The following PKD1 variants were observed in gnomAD, a reference collection of about 807,000 sequenced individuals.
PKD1 encodes the protein polycystin 1, transient receptor potential channel interacting.
In PKD1, 81 loss-of-function variants were observed where a neutral mutation model predicts 361.7. That is an observed-to-expected ratio of 0.22 (90% CI 0.19 to 0.27). PKD1 has a LOEUF of 0.27. PKD1 is among the 10% of genes least tolerant of loss of function. The pLI is 1.00. For missense variants in PKD1, 6,399 were observed against 6,118.3 expected, an observed-to-expected ratio of 1.05 and a Z score of -1.53; for synonymous variants, 3,615 against 2,818.3, an observed-to-expected ratio of 1.28 and a Z score of -8.95.
At chr16:2,133,494 C>T (rs1309285679) in intron 1 of PKD1, among the ~76,000 whole-genome samples, 1 of 147,242 alleles carries the variant, frequency 6.8e-6, no homozygotes, top group Non-Finnish European at 1.5e-5. Flanking sequence ...TGTCCTTCAC[C>T]TCTCCCAGCT....
Position 2,105,346 on chromosome 16 carries a change from G to C in PKD1, c.7992C>G (p.Ile2664Met), listed in dbSNP as rs537012440. ...RVHTVDDIQQ[I>M]AAALAQCMGP... ...CCATGCACTGGGCCAGCGCAGCAGC[G>C]ATCTGCTGGATGTCATCCACAGTGT... The change falls in exon 21 of 46, where the codon ATC becomes ATG. Residue 2664 changes from isoleucine to methionine, a missense_variant. Transcript: ENST00000262304. The C allele has an allele frequency of 1.8e-5, 29 of 1,592,608 alleles. No individual in the cohort carries two copies. Among genetic ancestry groups the C allele is most frequent in the Admixed American group, 6.7e-5 (4 of 59,930 alleles).
chr16:2,097,269 C>T (rs779291633), intron 33 of PKD1, 28 bp from the exon 34 acceptor site: 17 of 1,604,216 alleles, frequency 1.1e-5, no homozygotes, highest in South Asian at 3.3e-5. Flanking sequence ...ATAGGGTGGG[C>T]CCAGCTGCAA....
In PKD1 at chr16:2,109,802, A is replaced by G; in HGVS notation, c.5365T>C (p.Ser1789Pro). 6.2e-7 allele frequency: 1 copy of G among 1,610,402 alleles called. No homozygotes were observed. The highest frequency in any genetic ancestry group is 8.5e-7 in the Non-Finnish European group (1 of 1,179,702). The change falls in exon 15 of 46, where the codon TCA (serine) becomes CCA (proline). Residue 1789 changes from serine to proline, a missense_variant. Transcript: ENST00000262304. Reference sequence around the variant, plus strand: ...TCCACTTCCACGGTGGCGTTGGCTGAGCCCAGCGGGTTCCCTGCCGTCATG... The same window carrying G: ...TCCACTTCCACGGTGGCGTTGGCTGGGCCCAGCGGGTTCCCTGCCGTCATG... ...VTMTAGNPLG[S>P]ANATVEVDVQ...
chr16:2,108,748 G>A lies in PKD1; in HGVS notation c.6419C>T (p.Thr2140Ile), dbSNP rs2092425215. The A allele has an allele frequency of 6.4e-7, 1 of 1,571,276 alleles. No individual in the cohort carries two copies. Among genetic ancestry groups the A allele is most frequent in the Non-Finnish European group, 8.6e-7 (1 of 1,159,518 alleles). ...VSFFVAQATVTVQVLACREPE... is the reference protein window; with the variant it reads ...VSFFVAQATVIVQVLACREPE... The stretch of plus-strand genomic sequence containing the variant: ...CTCCCGGCAGGCCAGCACCTGGACG[G>A]TCACCGTGGCCTGCGCCACGAAGAA... The change falls in exon 15 of 46, where the codon ACC (threonine) becomes ATC (isoleucine). Residue 2140 changes from threonine (T) to isoleucine (I), a missense_variant. Thr to Ile is a moderately conservative substitution (Grantham distance 89). Coordinates refer to ENST00000262304, the MANE Select transcript of PKD1 (RefSeq NM_001009944.3).
chr16:2,101,785 A>T (rs1349527073), intron 26 of PKD1, among the ~76,000 whole-genome samples: 4 of 152,256 alleles, frequency 2.6e-5, no homozygotes, highest in South Asian at 4.1e-4. Flanking sequence ...CCACAGTGGT[A>T]GCGATGCTCA....
At chr16:2,122,445 G>A (rs552863472) in intron 1 of PKD1, among the ~76,000 whole-genome samples, 9 of 152,076 alleles carry the variant, frequency 5.9e-5, no homozygotes, top group African/African-American at 1.9e-4. Context: ...CTTCTCTGCC[G>A]TCCCCTCCTC....
chr16:2,114,794 G>C lies in PKD1; in HGVS notation c.2229C>G (p.Leu743=), dbSNP rs1442764354. Residue 743 remains leucine, a synonymous_variant, in exon 11 of 46, where the codon CTC becomes CTG. Coordinates refer to ENST00000262304, the MANE Select transcript of PKD1 (RefSeq NM_001009944.3). ...GCAGCCATGACGAGGCGTTGGCGGA[G>C]AGGTACGGGGCCCGGGGACCAGGGT... The part of the protein sequence containing the change: ...PGHPGPRAPY[L]SANASSWLPH... The C allele has an allele frequency of 1.8e-6, 2 of 1,086,930 alleles. No individual in the cohort carries two copies. The highest frequency in any genetic ancestry group is 2.0e-5 in the Admixed American group (1 of 49,876). 67.3% of individuals were successfully genotyped at this position (1,086,930 alleles called of 1,614,324 possible). A position where few individuals can be genotyped will look rare whatever the true frequency, so the allele number is the denominator to read the frequency against.
At chr16:2,095,773 G>A (rs1480135724) in intron 34 of PKD1, among the ~76,000 whole-genome samples, 5 of 152,214 alleles carry the variant, frequency 3.3e-5, no homozygotes, top group East Asian at 3.8e-4. Context: ...TGAGGGCCAC[G>A]CGCTCTGTGT....
In PKD1 at chr16:2,110,438, C is replaced by T. The variant is rs770989260; in HGVS notation, c.4729G>A (p.Asp1577Asn). The T allele has an allele frequency of 1.9e-6, 3 of 1,612,574 alleles. No individual in the cohort carries two copies. Among genetic ancestry groups the T allele is most frequent in the Non-Finnish European group, 2.5e-6 (3 of 1,179,842 alleles). The part of the protein sequence containing the change: ...SFSTSLEAGS[D>N]VRYSWVLCDR... ...CAGAGCACCCAGGAATAGCGCACAT[C>T]ACTGCCGGCCTCCAGCGACGTGCTG... Residue 1577 changes from aspartate to asparagine, a missense_variant, in exon 15 of 46, where the codon GAT becomes AAT. Asp to Asn is a conservative substitution (Grantham distance 23). Coordinates refer to ENST00000262304, the MANE Select transcript of PKD1 (RefSeq NM_001009944.3).
intron 1 of PKD1, among the ~76,000 whole-genome samples, chr16:2,133,540 C>T (rs978818524): frequency 7.3e-5 from 11 of 151,024 alleles, no homozygotes. Flanking sequence ...CAGCCGTCTC[C>T]CCGAGGAGGA....
chr16:2,123,357 G>A, intron 1 of PKD1: 2 of 391,702 alleles, frequency 5.1e-6, no homozygotes, highest in Non-Finnish European at 1.0e-5. Context: ...CGTCTGCCCT[G>A]GGTAGGACTC....
chr16:2,118,425 T>C lies in PKD1; in HGVS notation c.567A>G (p.Ser189=), dbSNP rs2092674287. ...AAAAGGACACTGCTGCCACGGTGCCTGAGCTGTTGTCAGGGAGGCAGGCGA... is the reference window on the plus strand; with the variant it reads ...AAAAGGACACTGCTGCCACGGTGCCCGAGCTGTTGTCAGGGAGGCAGGCGA... ...EYVACLPDNS[S]GTVAAVSFSA... Residue 189 remains serine (S), a synonymous_variant, in exon 5 of 46, where the codon TCA becomes TCG. Transcript: ENST00000262304. The surrounding 1 kb of genome is among the most constrained non-coding windows in gnomAD (Gnocchi z 6.0). The C allele has an allele frequency of 1.6e-6, 2 of 1,233,260 alleles. No homozygotes were observed. The highest frequency in any genetic ancestry group is 1.5e-5 in the African/African-American group (1 of 67,042). The allele number at this position is 1,233,260 out of a possible 1,614,324, so 76.4% of individuals were successfully genotyped here.
In PKD1 at chr16:2,109,817, C is replaced by T. The variant is rs765728147; in HGVS notation, c.5350G>A (p.Gly1784Arg). ...PGLHLVTMTA[G>R]NPLGSANATV... ...GCGTTGGCTGAGCCCAGCGGGTTCC[C>T]TGCCGTCATGGTGACCAAGTGCAGG... The change falls in exon 15 of 46, where the codon GGG becomes AGG. Residue 1784 changes from glycine (G) to arginine (R), a missense_variant. Physicochemically the swap from Gly to Arg is moderately radical, Grantham distance 125. Transcript: ENST00000262304. 1.9e-6 allele frequency: 3 copies of T among 1,610,638 alleles called. No individual in the cohort carries two copies. The highest frequency in any genetic ancestry group is 2.7e-5 in the African/African-American group (2 of 74,988).
In PKD1 at chr16:2,097,071, C is replaced by T. The variant is rs564219323; in HGVS notation, c.10499+77G>A. ...GCACCCCACCCCACCCTACCCCAGG[C>T]GGGAACCACGGCTGCCTGGCCTGAG... On this transcript the variant is annotated intron_variant, in intron 34 of 45. Coordinates refer to ENST00000262304, the MANE Select transcript of PKD1 (RefSeq NM_001009944.3). 1,994 of 910,748 alleles carry T rather than the reference C, an allele frequency of 2.2e-3. 10 individuals are homozygous for T. The highest frequency in any genetic ancestry group is 3.0e-3 in the Non-Finnish European group (1,745 of 580,540). The allele number at this position is 910,748 out of a possible 1,614,324, so 56.4% of individuals were successfully genotyped here.
chr16:2,118,511 C>T lies in PKD1; in HGVS notation c.530-49G>A. On this transcript the variant is annotated intron_variant, in intron 4 of 45. Transcript: ENST00000262304. The surrounding 1 kb of genome is among the most constrained non-coding windows in gnomAD (Gnocchi z 6.0). Reference sequence around the variant, plus strand: ...CCGGGTTCTGCTCCTCCTGGCTCCACCCCACGCCCCCACATCCGCCCGCCG... The same window carrying T: ...CCGGGTTCTGCTCCTCCTGGCTCCATCCCACGCCCCCACATCCGCCCGCCG... 1.4e-6 allele frequency: 2 copies of T among 1,408,244 alleles called. No homozygotes were observed. Among genetic ancestry groups the T allele is most frequent in the Non-Finnish European group, 1.9e-6 (2 of 1,030,546 alleles). The allele number at this position is 1,408,244 out of a possible 1,614,324, so 87.2% of individuals were successfully genotyped here.
chr16:2,104,670 C>G, intron 21 of PKD1, 28 bp from the exon 22 acceptor site: 1 of 1,363,502 alleles, frequency 7.3e-7, no homozygotes, highest in Non-Finnish European at 1.0e-6. Flanking sequence ...TGTCCAGCCC[C>G]GCTCCTGGCC....
intron 1 of PKD1, among the ~76,000 whole-genome samples, chr16:2,127,611 C>G (rs928496993): frequency 6.6e-6 from 1 of 151,964 alleles, no homozygotes; most frequent in Non-Finnish European, 1.5e-5. Flanking sequence ...GCCCCCGGAA[C>G]CCCTGAGGGA....
chr16:2,111,662 C>A lies in PKD1; in HGVS notation c.3505G>T (p.Val1169Phe), dbSNP rs747249596. 6.4e-7 allele frequency: 1 copy of A among 1,574,472 alleles called. No homozygotes were observed. The highest frequency in any genetic ancestry group is 1.2e-5 in the South Asian group (1 of 86,700). ...GCAGCCGGCTGGCTCTGGGTCAGGA[C>A]AGGGGAGCCGTCCCCGAAGTCCCAC... ...YTWDFGDGSP[V>F]LTQSQPAANH... The change falls in exon 15 of 46, where the codon GTC becomes TTC. Residue 1169 changes from valine (V) to phenylalanine (F), a missense_variant. Coordinates refer to ENST00000262304, the MANE Select transcript of PKD1 (RefSeq NM_001009944.3).
chr16:2,108,801 C>T lies in PKD1; in HGVS notation c.6366G>A (p.Val2122=), dbSNP rs2092426529. 1.9e-6 allele frequency: 3 copies of T among 1,568,412 alleles called. No homozygotes were observed. The highest frequency in any genetic ancestry group is 2.6e-6 in the Non-Finnish European group (3 of 1,157,890). The change falls in exon 15 of 46, where the codon GTG becomes GTA. Residue 2122 remains valine (V), a synonymous_variant. Transcript: ENST00000262304. ...TCACCAGGTTGGAGGCGTTCACCTG[C>T]ACGCGGTAGTCCCCAGGCCTCAGGT... is the stretch of plus-strand genomic sequence containing the variant. ...HSYLRPGDYR[V]QVNASNLVSF...
Sources: allele counts gnomAD v4.1 joint callset (sites outside exome capture counted in the v4.1 genomes callset), GRCh38; gene constraint gnomAD v4.1.1; non-coding constraint Gnocchi (gnomAD v3.1); transcripts MANE v1.5; gene names NCBI Gene and HGNC (gene_info 2026-07-23, HGNC 2026-07-21).